The following SNRPG variants were observed in gnomAD, a reference collection of about 807,000 sequenced individuals.
SNRPG encodes small nuclear ribonucleoprotein polypeptide G, also known as small nuclear ribonucleoprotein G.
A neutral mutation model predicts 13.9 loss-of-function variants in SNRPG; 3 were observed. The observed-to-expected ratio is 0.22, with a 90% CI of 0.10 to 0.56. The LOEUF is 0.56. Among genes scored for constraint, SNRPG ranks in the 20% least tolerant of loss-of-function variants. The pLI, the probability that SNRPG is intolerant of heterozygous loss-of-function variation, is 0.93. For synonymous variants in SNRPG, 29 were observed against 29.3 expected, an observed-to-expected ratio of 0.99 and a Z score of 0.03; for missense variants, 34 against 96.1, an observed-to-expected ratio of 0.35 and a Z score of 2.70.
At chr2:70,287,085 G>T (rs1696960099) in intron 3 of SNRPG, among the ~76,000 whole-genome samples, 1 of 152,044 alleles carries the variant, frequency 6.6e-6, no homozygotes, top group African/African-American at 2.4e-5. Flanking sequence ...CTATTGATTT[G>T]CTTTTCAAAA....
chr2:70,290,726 T>C (rs1697063319), intron 1 of SNRPG, among the ~76,000 whole-genome samples: 1 of 147,540 alleles, frequency 6.8e-6, no homozygotes, highest in Admixed American at 7.1e-5. Context: ...TGGCTCATGC[T>C]TGTAATCCCA....
intron 3 of SNRPG, among the ~76,000 whole-genome samples, chr2:70,282,291 A>C (rs1246459464): frequency 6.6e-6 from 1 of 152,184 alleles, no homozygotes; most frequent in Non-Finnish European, 1.5e-5. Context: ...AAAATTAATG[A>C]GTAAAATATG....
intron 3 of SNRPG, 44 bp from the exon 4 acceptor site, chr2:70,281,728 C>A (rs762856471): frequency 4.0e-6 from 4 of 1,005,362 alleles, no homozygotes; most frequent in South Asian, 1.4e-5. Flanking sequence ...ACTCAGGTAA[C>A]AGACATAACT....
chr2:70,289,447 TAA>T, intron 1 of SNRPG, 75 bp from the exon 2 acceptor site: 1 of 738,220 alleles, frequency 1.4e-6, no homozygotes, highest in Non-Finnish European at 2.3e-6. Context: ...TAGGTATAGT[TAA>T]GATAATTTGC....
At chr2:70,293,499 G>C in intron 1 of SNRPG, 119 bp downstream of exon 1, 2 of 936,254 alleles carry the variant, frequency 2.1e-6, no homozygotes, top group South Asian at 2.6e-5. Flanking sequence ...CGGCGACCTC[G>C]GACCGGAAGA....
At position 70,283,104 on chromosome 2, in the gene SNRPG, A is replaced by C. The variant is rs1427359015; in HGVS notation, c.181-1420T>G. Among the ~76,000 whole-genome samples, 29 of 143,942 alleles carry C rather than the reference A, an allele frequency of 2.0e-4. 2 individuals carry two copies. Among genetic ancestry groups the C allele is most frequent in the African/African-American group, 7.8e-4 (29 of 37,128 alleles). The allele number at this position is 143,942 out of a possible 152,430, so 94.4% of individuals were successfully genotyped here. ...GCGAAACTGTCTTTTGTCAAAAAAA[A>C]AAAAAAAAAAAAAAAAAAAACAACA... On this transcript the variant is annotated intron_variant, in intron 3 of 3. Transcript: ENST00000272348.
intron 1 of SNRPG, among the ~76,000 whole-genome samples, chr2:70,290,251 A>G (rs1697049284): frequency 2.0e-5 from 3 of 152,206 alleles, no homozygotes. Context: ...GACAGCAAAC[A>G]GTAATCAAAT....
intron 1 of SNRPG, chr2:70,293,300 T>A (rs942286572): frequency 3.0e-5 from 20 of 677,624 alleles, no homozygotes; most frequent in Admixed American, 2.2e-4. Flanking sequence ...CTATTCGAGA[T>A]GTTCAACAAA....
At chr2:70,293,453 C>T in intron 1 of SNRPG, 165 bp downstream of exon 1, 2 of 733,954 alleles carry the variant, frequency 2.7e-6, no homozygotes, top group East Asian at 5.0e-5. Context: ...TCTGCGCGGG[C>T]TTCACGTCTC....
chr2:70,291,060 T>C (rs111941201), intron 1 of SNRPG, among the ~76,000 whole-genome samples: 2,066 of 115,838 alleles, frequency 0.018, 28 homozygotes, highest in African/African-American at 0.037. Flanking sequence ...CACACACACA[T>C]ATATGAAGTA....
At chr2:70,287,687 G>A (rs6708754) in intron 3 of SNRPG, 274,011 of 390,826 alleles carry the variant, frequency 0.7, 97,340 homozygotes, top group African/African-American at 0.84. Context: ...CAAAACCTTA[G>A]TTAAGTTCTG....
intron 1 of SNRPG, among the ~76,000 whole-genome samples, chr2:70,291,484 T>G (rs1403142845): frequency 6.6e-6 from 1 of 152,190 alleles, no homozygotes; most frequent in Non-Finnish European, 1.5e-5. Context: ...AATTTTGTAT[T>G]GTTGGGGGCA....
In SNRPG at chr2:70,293,601, C is replaced by T. The variant is rs1429201699; in HGVS notation, c.32+17G>A. 1.2e-6 allele frequency: 2 copies of T among 1,612,282 alleles called. No individual in the cohort carries two copies. Among genetic ancestry groups the T allele is most frequent in the Admixed American group, 1.7e-5 (1 of 60,018 alleles). On this transcript the variant is annotated intron_variant, in intron 1 of 3. Transcript: ENST00000272348. ...CAAATAACTGACCACTTCGGTTTGG[C>T]TCTCACACATACTTACTTTTTCAAC... is the stretch of plus-strand genomic sequence containing the variant.
intron 1 of SNRPG, among the ~76,000 whole-genome samples, chr2:70,289,768 G>A (rs181428803): frequency 3.3e-5 from 5 of 152,194 alleles, no homozygotes; most frequent in Non-Finnish European, 5.9e-5. Context: ...CCATGATTGC[G>A]CCACTGCACT....
At chr2:70,288,288 T>C (rs1696992934) in intron 2 of SNRPG, 96 bp from the exon 3 acceptor site, 3 of 983,310 alleles carry the variant, frequency 3.1e-6, no homozygotes, top group Non-Finnish European at 4.8e-6. Flanking sequence ...GTATTTGAGA[T>C]GTCTGAAACC....
chr2:70,290,004 C>CT (rs56861344), intron 1 of SNRPG, among the ~76,000 whole-genome samples: 3,749 of 130,882 alleles, frequency 0.029, 140 homozygotes, highest in African/African-American at 0.088. Context: ...AAATTTCTTT[C>CT]TTTTTTTTTT....
In SNRPG at chr2:70,283,122, A is replaced by AAAAAAAAAAAAAAAAAAAAAC. The variant is rs1241967786; in HGVS notation, c.181-1439_181-1438insGTTTTTTTTTTTTTTTTTTTT. ...AAAAAAAAAAAAAAAAAAAAAAAAA[A>AAAAAAAAAAAAAAAAAAAAAC]AACAACAAACCAAAACCAAAACAAA... is the stretch of plus-strand genomic sequence containing the variant. On this transcript the variant is annotated intron_variant, in intron 3 of 3. Transcript: ENST00000272348. Among the ~76,000 whole-genome samples, 61 of 82,980 alleles carry AAAAAAAAAAAAAAAAAAAAAC rather than the reference A, an allele frequency of 7.4e-4. 8 individuals carry two copies. The highest frequency in any genetic ancestry group is 1.6e-3 in the Admixed American group (11 of 6,764). 54.4% of individuals were successfully genotyped at this position (82,980 alleles called of 152,430 possible).
chr2:70,282,444 T>C (rs1008016759), intron 3 of SNRPG, among the ~76,000 whole-genome samples: 1 of 152,020 alleles, frequency 6.6e-6, no homozygotes, highest in African/African-American at 2.4e-5. Flanking sequence ...GAAAAGGAGA[T>C]TGTAGGAAAT....
intron 1 of SNRPG, among the ~76,000 whole-genome samples, chr2:70,290,885 C>CTTGTAATCCCA (rs1697071938): frequency 1.6e-5 from 2 of 127,884 alleles, no homozygotes; most frequent in Non-Finnish European, 3.1e-5. Flanking sequence ...TTGGTGCATG[C>CTTGTAATCCCA]TTGTAATCCC....
Sources: gnomAD v4.1 joint callset for allele counts (sites outside exome capture counted in the v4.1 genomes callset) on GRCh38, gnomAD v4.1.1 for gene constraint, MANE v1.5 for transcripts, NCBI Gene and HGNC (gene_info 2026-07-23, HGNC 2026-07-21) for gene names.